Variants in TARS3 observed in about 807,000 individuals in gnomAD.
TARS3 encodes the protein threonyl-tRNA synthetase 3, also known as threonine--tRNA ligase 2, cytoplasmic.
TARS3 carries 94 observed loss-of-function variants against 103.5 expected under a neutral mutation model. The ratio of observed to expected loss-of-function variants is 0.91; its 90% CI spans 0.77 to 1.08. The LOEUF is 1.08. Ranked by LOEUF, TARS3 falls within the 50% of genes least tolerant of loss-of-function variation. TARS3 has a pLI of 0.00. For synonymous variants in TARS3, 416 were observed against 355.4 expected (o/e 1.17, Z -1.92); for missense variants, 952 against 995.2 (o/e 0.96, Z 0.58).
At chr15:101,684,376 A>C (rs1452748789) in intron 11 of TARS3, 139 bp from the exon 12 acceptor site, 1 of 805,910 alleles carries the variant, frequency 1.2e-6, no homozygotes, top group Non-Finnish European at 1.8e-6. Context: ...GTTAAAAAAA[A>C]AATTCTTCCA....
At chr15:101,674,298 G>T (rs889303265) in intron 13 of TARS3, among the ~76,000 whole-genome samples, 5 of 152,164 alleles carry the variant, frequency 3.3e-5, no homozygotes, top group African/African-American at 1.2e-4. Flanking sequence ...ATCTGGATAT[G>T]CCAGAGTGAA....
intron 3 of TARS3, among the ~76,000 whole-genome samples, chr15:101,716,781 G>C (rs185166409): frequency 6.6e-6 from 1 of 151,900 alleles, no homozygotes; most frequent in Non-Finnish European, 1.5e-5. Context: ...CCTACTAGCA[G>C]AGTTACAAGA....
Position 101,654,592 on chromosome 15 carries a change from T to G in TARS3, c.2399A>C (p.Glu800Ala), listed in dbSNP as rs1301583619. 3.7e-6 allele frequency: 6 copies of G among 1,610,404 alleles called. No homozygotes were observed. In the African/African-American group the frequency reaches 4.0e-5, roughly 11 times the overall value. Residue 800 changes from glutamate to alanine, a missense_variant, in exon 19 of 19, where the codon GAG (glutamate) becomes GCG (alanine). By Grantham distance (107) the Glu-to-Ala change is moderately radical. Around this residue, in one of 2 missense-constraint regions of TARS3, gnomAD observed 540 missense variants for 631.0 expected, o/e 0.86. Coordinates refer to ENST00000335968, the MANE Select transcript of TARS3 (RefSeq NM_152334.3). ...TATCAGGGAAGGACTTCAAAAGGCC[T>G]CCTCAGCATTGAGTGTCCGTGTCTT... ...LRKTRTLNAE[E>A]AF is the part of the protein sequence containing the mutation.
At position 101,670,827 on chromosome 15, in the gene TARS3, T is replaced by C. The variant is rs1305997627; in HGVS notation, c.1967+659A>G. 3.3e-5 allele frequency among the ~76,000 whole-genome samples: 5 copies of C among 152,340 alleles called. No homozygotes were observed. The South Asian group carries it at 1.0e-3, about 32-fold the overall frequency. ...GTGACAGAAAGGAACAAACTATCAA[T>C]ACTTGCAGAATCATGGATGAATCTC... On this transcript the variant is annotated intron_variant, in intron 15 of 18. Coordinates refer to ENST00000335968, the MANE Select transcript of TARS3 (RefSeq NM_152334.3).
In TARS3 at chr15:101,711,123, G is replaced by A. The variant is rs575457317; in HGVS notation, c.812+757C>T. Among the ~76,000 whole-genome samples, 7 of 152,216 alleles carry A rather than the reference G, an allele frequency of 4.6e-5. No homozygotes were observed. In the South Asian group the frequency reaches 6.2e-4, roughly 14 times the overall value. ...ATGAGGTCCTTGATTATCACGGAGC[G>A]AATTAAACTAGCCTCTCTCTAGGAA... On this transcript the variant is annotated intron_variant, in intron 5 of 18. Transcript: ENST00000335968.
At position 101,702,244 on chromosome 15, in the gene TARS3, C is replaced by A; in HGVS notation, c.1216G>T (p.Gly406Trp). The A allele has an allele frequency of 1.2e-6, 2 of 1,614,128 alleles. No homozygotes were observed. The highest frequency in any genetic ancestry group is 1.7e-6 in the Non-Finnish European group (2 of 1,180,024). ...GATTAAGATGTGGGGCATACCTTCC[C>A]GATCTTCCTGTGATCTCGGTTCTTT... ...EAKNRDHRKI[G>W]KEQELFFFHD... Residue 406 changes from glycine (G) to tryptophan (W), a missense_variant, in exon 9 of 19, where the codon GGG becomes TGG. By Grantham distance (184) the Gly-to-Trp change is radical. Coordinates refer to ENST00000335968, the MANE Select transcript of TARS3 (RefSeq NM_152334.3).
At chr15:101,715,207 C>T (rs1276421673) in intron 3 of TARS3, among the ~76,000 whole-genome samples, 4 of 146,964 alleles carry the variant, frequency 2.7e-5, no homozygotes, top group African/African-American at 5.0e-5. Context: ...AGTGCAGTGG[C>T]GGGATCTCGG....
At chr15:101,689,221 G>T (rs1898603258) in intron 10 of TARS3, among the ~76,000 whole-genome samples, 1 of 151,806 alleles carries the variant, frequency 6.6e-6, no homozygotes, top group African/African-American at 2.4e-5. Context: ...GAGTAAGGAG[G>T]ACTGTGTCTG....
chr15:101,704,679 A>G (rs1899461713), intron 7 of TARS3, among the ~76,000 whole-genome samples: 2 of 151,046 alleles, frequency 1.3e-5, no homozygotes. Context: ...AAAAAAAAAA[A>G]GAAAGCCATA....
chr15:101,655,884 G>A, intron 18 of TARS3: 1 of 1,287,488 alleles, frequency 7.8e-7, no homozygotes. Context: ...GCCAAGGAGT[G>A]GACACCAGAC....
At position 101,657,794 on chromosome 15, in the gene TARS3, A is replaced by G. The variant is rs200557255; in HGVS notation, c.2136T>C (p.Tyr712=). 15 of 1,608,346 alleles carry G rather than the reference A, an allele frequency of 9.3e-6. No homozygotes were observed. Among genetic ancestry groups the G allele is most frequent in the African/African-American group, 8.0e-5 (6 of 74,926 alleles). Residue 712 remains tyrosine (Y), a synonymous_variant, in exon 17 of 19, where the codon TAT becomes TAC. Coordinates refer to ENST00000335968, the MANE Select transcript of TARS3 (RefSeq NM_152334.3). The part of the protein sequence containing the change: ...VIPVGPTCEK[Y]ALQVSSEFFE... ...ACACCTCTGATTTTACCTGAAGTGC[A>G]TATTTTTCACAAGTTGGCCCCACAG...
intron 16 of TARS3, among the ~76,000 whole-genome samples, chr15:101,661,168 A>AAAGGACCACAAG (rs1171442434): frequency 1.8e-4 from 28 of 152,104 alleles, no homozygotes; most frequent in South Asian, 4.2e-4. Context: ...CACCACTCAA[A>AAAGGACCACAAG]ATTCTGCACT....
Position 101,724,354 on chromosome 15 carries a change from C to G in TARS3, c.34G>C (p.Ala12Pro). Residue 12 changes from alanine to proline, a missense_variant, in exon 1 of 19, where the codon GCG (alanine) becomes CCG (proline). Ala to Pro is a conservative substitution (Grantham distance 27, BLOSUM62 -1). Coordinates refer to ENST00000335968, the MANE Select transcript of TARS3 (RefSeq NM_152334.3). Reference sequence around the variant, plus strand: ...TCCTCCTGCCGCTCCAGGCGCGACGCCACGGCCTCCGCCGCCAGGGCCTCG... The same window carrying G: ...TCCTCCTGCCGCTCCAGGCGCGACGGCACGGCCTCCGCCGCCAGGGCCTCG... Reference protein sequence around the residue: ...AAEALAAEAVASRLERQEEDI... With the variant: ...AAEALAAEAVPSRLERQEEDI... The G allele has an allele frequency of 6.5e-7, 1 of 1,544,934 alleles. No homozygotes were observed. The highest frequency in any genetic ancestry group is 8.7e-7 in the Non-Finnish European group (1 of 1,152,216).
chr15:101,657,831 A>C lies in TARS3; in HGVS notation c.2099T>G (p.Val700Gly). Residue 700 changes from valine (V) to glycine (G), a missense_variant, in exon 17 of 19, where the codon GTG becomes GGG. Coordinates refer to ENST00000335968, the MANE Select transcript of TARS3 (RefSeq NM_152334.3). The part of the protein sequence containing the change: ...KWPFWLSPRQ[V>G]MVIPVGPTCE... ...AGTTGGCCCCACAGGGATGACCATC[A>C]CCTGACGAGGAGATAGCCAGAAAGG... 6.2e-7 allele frequency: 1 copy of C among 1,608,948 alleles called. No homozygotes were observed. The highest frequency in any genetic ancestry group is 8.5e-7 in the Non-Finnish European group (1 of 1,177,122).
intron 15 of TARS3, among the ~76,000 whole-genome samples, chr15:101,670,778 G>A (rs1897763355): frequency 6.6e-6 from 1 of 152,132 alleles, no homozygotes; most frequent in Non-Finnish European, 1.5e-5. Context: ...ATGAGAGATT[G>A]GATCCACAAT....
chr15:101,693,495 T>G (rs1315916577), intron 10 of TARS3, among the ~76,000 whole-genome samples: 2 of 152,150 alleles, frequency 1.3e-5, no homozygotes, highest in African/African-American at 4.8e-5. Context: ...AAGGTGAGAT[T>G]TGGGTGTGGA....
chr15:101,677,213 G>C (rs575219398), intron 12 of TARS3, among the ~76,000 whole-genome samples: 2 of 152,322 alleles, frequency 1.3e-5, no homozygotes, highest in Admixed American at 1.3e-4. Flanking sequence ...TTCTCGAAGA[G>C]ATGAGCATCT....
At chr15:101,712,892 C>T (rs1446209389) in intron 4 of TARS3, among the ~76,000 whole-genome samples, 1 of 152,230 alleles carries the variant, frequency 6.6e-6, no homozygotes, top group Non-Finnish European at 1.5e-5. Context: ...TCCCAGCCCA[C>T]AGCAATAGGC....
chr15:101,671,082 A>C (rs1242689503), intron 15 of TARS3, among the ~76,000 whole-genome samples: 1 of 152,126 alleles, frequency 6.6e-6, no homozygotes, highest in African/African-American at 2.4e-5. Context: ...ACACAGAGTT[A>C]ATTTTACTGT....
Sources: gnomAD v4.1 joint callset for allele counts (sites outside exome capture counted in the v4.1 genomes callset) on GRCh38, gnomAD v4.1.1 for gene constraint, gnomAD v4.1.1 regional missense constraint, MANE v1.5 for transcripts, NCBI Gene and HGNC (gene_info 2026-07-23, HGNC 2026-07-21) for gene names.